SUPT3H: variants seen among roughly 807,000 people sequenced by gnomAD.
SUPT3H encodes SPT3 homolog, SAGA and STAGA complex component.
A neutral mutation model predicts 44.3 loss-of-function variants in SUPT3H; 44 were observed. The observed-to-expected ratio is 0.99, with a 90% CI of 0.78 to 1.28. SUPT3H has a LOEUF of 1.28. Ranked by LOEUF, SUPT3H falls within the 50% of genes most tolerant of loss-of-function variation. The pLI, the probability that SUPT3H is intolerant of heterozygous loss-of-function variation, is 0.00. For synonymous variants in SUPT3H, 124 were observed against 125.6 expected (o/e 0.99, Z 0.09); for missense variants, 380 against 387.1 (o/e 0.98, Z 0.15).
intron 2 of SUPT3H, among the ~76,000 whole-genome samples, chr6:45,131,284 T>G (rs1213290220): frequency 1.3e-5 from 2 of 152,192 alleles, no homozygotes; most frequent in Non-Finnish European, 2.9e-5. Flanking sequence ...ATGAGATTTT[T>G]TCCTCAGTGT....
At chr6:45,209,743 C>A (rs2153629903) in intron 2 of SUPT3H, among the ~76,000 whole-genome samples, 1 of 152,276 alleles carries the variant, frequency 6.6e-6, no homozygotes, top group South Asian at 2.1e-4. Context: ...GAACTGAATC[C>A]AATTTTGAGA....
intron 10 of SUPT3H, among the ~76,000 whole-genome samples, chr6:44,860,919 G>A (rs1455998430): frequency 6.6e-6 from 1 of 152,034 alleles, no homozygotes; most frequent in Non-Finnish European, 1.5e-5. Context: ...GCATAAGAGT[G>A]AGGAATTTCT....
chr6:44,847,225 T>C (rs1772028882), intron 10 of SUPT3H, among the ~76,000 whole-genome samples: 1 of 152,166 alleles, frequency 6.6e-6, no homozygotes, highest in Non-Finnish European at 1.5e-5. Flanking sequence ...GCTGATACAG[T>C]TATTTTGTTA....
intron 10 of SUPT3H, among the ~76,000 whole-genome samples, chr6:44,916,593 G>A (rs750637107): frequency 6.6e-6 from 1 of 152,144 alleles, no homozygotes; most frequent in Non-Finnish European, 1.5e-5. Context: ...AGAAACATTA[G>A]GGAATTTTTT....
At chr6:45,031,725 T>A (rs1259739114) in intron 3 of SUPT3H, among the ~76,000 whole-genome samples, 1 of 151,994 alleles carries the variant, frequency 6.6e-6, no homozygotes, top group African/African-American at 2.4e-5. Context: ...CTTACATCAA[T>A]AAGAGAAAAA....
intron 6 of SUPT3H, among the ~76,000 whole-genome samples, chr6:44,965,939 TGGACTA>T (rs1331673271): frequency 1.3e-5 from 2 of 152,170 alleles, no homozygotes; most frequent in East Asian, 1.9e-4. Context: ...GATGAATGGA[TGGACTA>T]GGACAAAAGA....
intron 3 of SUPT3H, among the ~76,000 whole-genome samples, chr6:45,097,044 A>T (rs1257699379): frequency 1.3e-5 from 2 of 152,200 alleles, no homozygotes; most frequent in African/African-American, 2.4e-5. Flanking sequence ...AGTCTTGTGG[A>T]ACTTGTTATC....
chr6:44,987,629 T>C (rs1171361131), intron 6 of SUPT3H, among the ~76,000 whole-genome samples: 1 of 152,138 alleles, frequency 6.6e-6, no homozygotes, highest in African/African-American at 2.4e-5. Context: ...AGAGGAAATG[T>C]AACCTCTTTT....
chr6:45,245,497 T>C lies in SUPT3H; in HGVS notation c.101+119704A>G, dbSNP rs767091858. On this transcript the variant is annotated intron_variant, in intron 2 of 10. Transcript: ENST00000371459. ...AATCTACTTTCTGTCACTATGAATT[T>C]GACCATTCTAGGTACCTCATATAAG... is the stretch of plus-strand genomic sequence containing the variant. Among the ~76,000 whole-genome samples the C allele has an allele frequency of 8.5e-5, 13 of 152,266 alleles. No individual in the cohort carries two copies. In the Middle Eastern group the frequency reaches 0.017, roughly 199 times the overall value.
intron 6 of SUPT3H, among the ~76,000 whole-genome samples, chr6:44,978,859 G>A (rs997345727): frequency 5.3e-5 from 8 of 152,144 alleles, no homozygotes; most frequent in Non-Finnish European, 7.4e-5. Flanking sequence ...TTGCCCAAAC[G>A]TTGTATGCAG....
At position 44,843,927 on chromosome 6, in the gene SUPT3H, G is replaced by A. The variant is rs62437983; in HGVS notation, c.913-14070C>T. 2.4e-3 allele frequency among the ~76,000 whole-genome samples: 360 copies of A among 148,060 alleles called. 9 individuals carry two copies. The highest frequency in any genetic ancestry group is 8.6e-3 in the African/African-American group (342 of 39,802). On this transcript the variant is annotated intron_variant, in intron 10 of 10. Transcript: ENST00000371459. ...CAAACACACACACACACACACACAC[G>A]CACACACACACACACACACACACAC... is the stretch of plus-strand genomic sequence containing the variant.
chr6:44,978,148 ATT>A (rs1247857183), intron 6 of SUPT3H, among the ~76,000 whole-genome samples: 1 of 152,176 alleles, frequency 6.6e-6, no homozygotes, highest in Admixed American at 6.5e-5. Flanking sequence ...TGAAGGGAAG[ATT>A]ATTTCTAAAG....
chr6:44,910,236 T>C (rs1273508394), intron 10 of SUPT3H, among the ~76,000 whole-genome samples: 1 of 152,168 alleles, frequency 6.6e-6, no homozygotes, highest in Admixed American at 6.5e-5. Flanking sequence ...CACTGAAACC[T>C]GACCTTCCAT....
intron 10 of SUPT3H, among the ~76,000 whole-genome samples, chr6:44,889,350 T>C (rs1762883547): frequency 6.6e-6 from 1 of 152,186 alleles, no homozygotes; most frequent in Non-Finnish European, 1.5e-5. Flanking sequence ...GGCATCACGC[T>C]ACCTGACTTC....
At chr6:44,959,992 T>C (rs189253396) in intron 7 of SUPT3H, among the ~76,000 whole-genome samples, 23 of 152,300 alleles carry the variant, frequency 1.5e-4, no homozygotes, top group Admixed American at 2.6e-4. Context: ...CAAGGTTTCA[T>C]AATAAAACAC....
At chr6:45,375,868 T>C (rs1390878299) in intron 1 of SUPT3H, among the ~76,000 whole-genome samples, 1 of 152,172 alleles carries the variant, frequency 6.6e-6, no homozygotes, top group Non-Finnish European at 1.5e-5. Flanking sequence ...TAAAGTAATT[T>C]TGTGAAACAT....
intron 10 of SUPT3H, among the ~76,000 whole-genome samples, chr6:44,868,540 C>A (rs1330685267): frequency 7.1e-6 from 1 of 140,042 alleles, no homozygotes. Flanking sequence ...CTGTCTTGTC[C>A]ATTTTGTCAT....
chr6:45,291,927 A>C (rs533379229), intron 2 of SUPT3H, among the ~76,000 whole-genome samples: 5 of 152,310 alleles, frequency 3.3e-5, no homozygotes, highest in Admixed American at 3.3e-4. Flanking sequence ...CAAATAGAAG[A>C]AGCAAAAGGA....
At chr6:45,112,162 T>C (rs909575736) in intron 2 of SUPT3H, among the ~76,000 whole-genome samples, 1 of 152,216 alleles carries the variant, frequency 6.6e-6, no homozygotes, top group Non-Finnish European at 1.5e-5. Context: ...CTGATTCAAC[T>C]ATAATTCGTA....
Sources: gnomAD v4.1 joint callset for allele counts (sites outside exome capture counted in the v4.1 genomes callset) on GRCh38, gnomAD v4.1.1 for gene constraint, MANE v1.5 for transcripts, NCBI Gene and HGNC (gene_info 2026-07-23, HGNC 2026-07-21) for gene names.